Variants in ADAMTSL1 observed in about 807,000 individuals in gnomAD.
ADAMTSL1 encodes the protein ADAMTS like 1.
A neutral mutation model predicts 201.8 loss-of-function variants in ADAMTSL1; 126 were observed. The ratio of observed to expected loss-of-function variants is 0.62; its 90% CI spans 0.54 to 0.72. The LOEUF is 0.72. Ranked by LOEUF, ADAMTSL1 falls within the 30% of genes least tolerant of loss-of-function variation. The pLI is 0.00. For synonymous variants in ADAMTSL1, 1,121 were observed against 903.4 expected (o/e 1.24, Z -4.32); for missense variants, 2,679 against 2,277.8 (o/e 1.18, Z -3.59).
intron 21 of ADAMTSL1, 137 bp from the exon 22 acceptor site, chr9:18,826,147 G>A: frequency 9.8e-7 from 1 of 1,019,432 alleles, no homozygotes; most frequent in Admixed American, 2.4e-5. Context: ...TATTTAATCT[G>A]GCCAAAGCCT....
At chr9:17,980,382 CT>C (rs1818638551) in intron 1 of ADAMTSL1, among the ~76,000 whole-genome samples, 1 of 151,926 alleles carries the variant, frequency 6.6e-6, no homozygotes, top group South Asian at 2.1e-4. Flanking sequence ...ACATTTTGGT[CT>C]GTTTTTTTTT....
chr9:18,661,378 C>A (rs916014376), intron 8 of ADAMTSL1, among the ~76,000 whole-genome samples: 1 of 152,118 alleles, frequency 6.6e-6, no homozygotes, highest in Non-Finnish European at 1.5e-5. Context: ...GTTGGAATCT[C>A]AATGGTACAT....
intron 14 of ADAMTSL1, 60 bp downstream of exon 14, chr9:18,707,108 C>A: frequency 6.4e-7 from 1 of 1,557,628 alleles, no homozygotes; most frequent in Non-Finnish European, 8.7e-7. Context: ...TCTCTCTCTG[C>A]ATGCAGCTGG....
chr9:18,894,650 G>A (rs1228705253), intron 26 of ADAMTSL1, among the ~76,000 whole-genome samples: 1 of 152,150 alleles, frequency 6.6e-6, no homozygotes, highest in African/African-American at 2.4e-5. Context: ...TTGCTATATG[G>A]AATTGTTTGG....
chr9:18,639,322 G>A lies in ADAMTSL1; in HGVS notation c.745G>A (p.Val249Met), dbSNP rs1445582073. 1.9e-6 allele frequency: 3 copies of A among 1,613,048 alleles called. No homozygotes were observed. The highest frequency in any genetic ancestry group is 2.2e-5 in the East Asian group (1 of 44,856). Residue 249 changes from valine to methionine, a missense_variant, in exon 7 of 29, where the codon GTG becomes ATG. Coordinates refer to ENST00000380548, the MANE Select transcript of ADAMTSL1 (RefSeq NM_001040272.6). ...NSLSSTGTFL[V>M]DNSSVDFQKF... Reference sequence around the variant, plus strand: ...TCTCAGCTCCACAGGAACTTTCCTTGTGGACAATTCTAGTGTGGACTTCCA... The same window carrying A: ...TCTCAGCTCCACAGGAACTTTCCTTATGGACAATTCTAGTGTGGACTTCCA...
chr9:17,998,397 C>T (rs1389448590), intron 1 of ADAMTSL1, among the ~76,000 whole-genome samples: 6 of 152,030 alleles, frequency 3.9e-5, no homozygotes, highest in Non-Finnish European at 8.8e-5. Context: ...TAGGGGAAGG[C>T]TGAAGACAGG....
At chr9:18,160,924 G>A (rs942985409) in intron 1 of ADAMTSL1, among the ~76,000 whole-genome samples, 3 of 148,000 alleles carry the variant, frequency 2.0e-5, no homozygotes, top group African/African-American at 7.5e-5. Flanking sequence ...CTAAGCTCAA[G>A]CATTCCTCGT....
rs766929852 is a variant in ADAMTSL1 at position 18,783,917 on chromosome 9, C to T, written c.3677+6011C>T. On this transcript the variant is annotated intron_variant, in intron 19 of 28. Transcript: ENST00000380548. ...ACCATGCTACTGCCAGAGCATCTTT[C>T]TAGCAAACCTGTCCATGCTGCTTTC... 7.9e-5 allele frequency among the ~76,000 whole-genome samples: 12 copies of T among 152,360 alleles called. No homozygotes were observed. In the Middle Eastern group the frequency reaches 0.01, roughly 130 times the overall value.
At chr9:18,891,379 G>A (rs1247871012) in intron 25 of ADAMTSL1, among the ~76,000 whole-genome samples, 2 of 142,474 alleles carry the variant, frequency 1.4e-5, no homozygotes, top group East Asian at 3.9e-4. Flanking sequence ...ACCAAAGAGT[G>A]GGATTTTTTT....
At chr9:18,081,109 G>C (rs144744946) in intron 1 of ADAMTSL1, among the ~76,000 whole-genome samples, 71 of 152,286 alleles carry the variant, frequency 4.7e-4, no homozygotes, top group African/African-American at 1.6e-3. Flanking sequence ...ACATTGCTCA[G>C]CTTGTTAATA....
chr9:18,602,435 G>A (rs537411899), intron 4 of ADAMTSL1, among the ~76,000 whole-genome samples: 3 of 152,300 alleles, frequency 2.0e-5, no homozygotes, highest in African/African-American at 7.2e-5. Context: ...TTTCTGGTTT[G>A]CAGCGTAGAG....
intron 10 of ADAMTSL1, among the ~76,000 whole-genome samples, chr9:18,676,754 A>G (rs940840475): frequency 3.9e-5 from 6 of 152,116 alleles, no homozygotes; most frequent in African/African-American, 7.2e-5. Flanking sequence ...ATATCAGATC[A>G]TAAATGGTTG....
At chr9:18,699,504 A>T (rs1831798013) in intron 13 of ADAMTSL1, among the ~76,000 whole-genome samples, 1 of 151,644 alleles carries the variant, frequency 6.6e-6, no homozygotes, top group Non-Finnish European at 1.5e-5. Flanking sequence ...TATTATAATT[A>T]TTATTGGTAG....
At position 18,585,730 on chromosome 9, in the gene ADAMTSL1, G is replaced by A. The variant is rs1823445095; in HGVS notation, c.474+11464G>A. On this transcript the variant is annotated intron_variant, in intron 4 of 28. Transcript: ENST00000380548. ...ACAAAATACTGGCAAACCCAATTTA[G>A]CATCACTTCAAAAAGCTAATTTAGC... Among the ~76,000 whole-genome samples, 3 of 151,954 alleles carry A rather than the reference G, an allele frequency of 2.0e-5. No homozygotes were observed. The South Asian group carries it at 6.2e-4, about 32-fold the overall frequency.
intron 2 of ADAMTSL1, among the ~76,000 whole-genome samples, chr9:18,313,492 A>G (rs1169917693): frequency 6.6e-6 from 1 of 152,180 alleles, no homozygotes; most frequent in African/African-American, 2.4e-5. Flanking sequence ...CACTGGGTCA[A>G]ACCTCCAGAG....
intron 17 of ADAMTSL1, among the ~76,000 whole-genome samples, chr9:18,772,309 G>C (rs913088847): frequency 6.6e-6 from 1 of 152,188 alleles, no homozygotes; most frequent in African/African-American, 2.4e-5. Flanking sequence ...TGTTATAATT[G>C]TCTTCCTGTG....
chr9:18,021,146 A>G (rs1350639692), intron 1 of ADAMTSL1, among the ~76,000 whole-genome samples: 3 of 152,152 alleles, frequency 2.0e-5, no homozygotes, highest in Non-Finnish European at 4.4e-5. Flanking sequence ...ATACAACACT[A>G]TAGTTTGAGA....
chr9:18,650,175 G>A (rs1828135099), intron 7 of ADAMTSL1, among the ~76,000 whole-genome samples: 1 of 152,334 alleles, frequency 6.6e-6, no homozygotes, highest in Admixed American at 6.5e-5. Flanking sequence ...GAGACTCCGT[G>A]GGCGTGGGAC....
chr9:18,820,797 C>T (rs1824162516), intron 21 of ADAMTSL1, among the ~76,000 whole-genome samples: 2 of 152,192 alleles, frequency 1.3e-5, no homozygotes, highest in African/African-American at 4.8e-5. Flanking sequence ...TCCACTGTAT[C>T]ACTCCCATGC....
Sources: allele counts gnomAD v4.1 joint callset (sites outside exome capture counted in the v4.1 genomes callset), GRCh38; gene constraint gnomAD v4.1.1; transcripts MANE v1.5; gene names NCBI Gene and HGNC (gene_info 2026-07-23, HGNC 2026-07-21).